Variants in ARHGAP39 observed in about 807,000 individuals in gnomAD.
ARHGAP39 encodes the protein rho GTPase-activating protein 39.
ARHGAP39 carries 44 observed loss-of-function variants against 106.9 expected under a neutral mutation model. The observed-to-expected ratio is 0.41, with a 90% CI of 0.32 to 0.53. The LOEUF is 0.53. Ranked by LOEUF, ARHGAP39 falls within the 20% of genes least tolerant of loss-of-function variation. The pLI, the probability that ARHGAP39 is intolerant of heterozygous loss-of-function variation, is 0.21. For missense variants in ARHGAP39, 1,496 were observed against 1,577.3 expected (o/e 0.95, Z 0.87); for synonymous variants, 768 against 693.2 (o/e 1.11, Z -1.69).
At chr8:144,616,114 C>T (rs1820629348) in intron 1 of ARHGAP39, among the ~76,000 whole-genome samples, 1 of 152,260 alleles carries the variant, frequency 6.6e-6, no homozygotes, top group African/African-American at 2.4e-5. Flanking sequence ...GGTGTGGCTG[C>T]TGCAACATTT....
intron 1 of ARHGAP39, among the ~76,000 whole-genome samples, chr8:144,655,581 C>G (rs1821674025): frequency 6.6e-6 from 1 of 152,050 alleles, no homozygotes; most frequent in Non-Finnish European, 1.5e-5. Context: ...CCACTCCAGG[C>G]CTCCTCTCTG....
chr8:144,619,276 G>A (rs1038825673), intron 1 of ARHGAP39, among the ~76,000 whole-genome samples: 3 of 152,264 alleles, frequency 2.0e-5, no homozygotes, highest in Non-Finnish European at 2.9e-5. Flanking sequence ...GGCGACGCCC[G>A]CCATAGACCA....
At chr8:144,697,673 G>A in the ARHGAP39 span, among the ~76,000 whole-genome samples, 1 of 151,966 alleles carries the variant, frequency 6.6e-6, no homozygotes, top group East Asian at 1.9e-4. Context: ...TGTATTTTTA[G>A]TAGAGACAGG....
chr8:144,677,057 C>T (rs116415892), intron 1 of ARHGAP39, among the ~76,000 whole-genome samples: 159 of 152,350 alleles, frequency 1.0e-3, no homozygotes, highest in African/African-American at 3.7e-3. Flanking sequence ...CCTGAGCCAC[C>T]GTGCCTGGCC....
Position 144,580,885 on chromosome 8 carries a change from C to T in ARHGAP39, c.473G>A (p.Arg158Gln). 1.3e-6 allele frequency: 2 copies of T among 1,588,196 alleles called. No individual in the cohort carries two copies. ...KAQELPARAG[R>Q]PAAFGTVKED... ...CTTCACTGTCCCAAACGCCGCGGGCCGCCCGGCCCTCGCTGGCAACTCCTG... is the reference window on the plus strand; with the variant it reads ...CTTCACTGTCCCAAACGCCGCGGGCTGCCCGGCCCTCGCTGGCAACTCCTG... The change falls in exon 3 of 12, where the codon CGG becomes CAG. Residue 158 changes from arginine to glutamine, a missense_variant. This residue lies in a region of ARHGAP39 where 905 missense variants were observed against 816.4 expected (regional missense o/e 1.11). Transcript: ENST00000377307.
At chr8:144,564,837 G>A (rs1818332860) in intron 3 of ARHGAP39, among the ~76,000 whole-genome samples, 1 of 150,982 alleles carries the variant, frequency 6.6e-6, no homozygotes, top group African/African-American at 2.4e-5. Context: ...GCCAGGCATG[G>A]TGACTCAGCC....
At chr8:144,618,713 G>A (rs939083560) in intron 1 of ARHGAP39, among the ~76,000 whole-genome samples, 13 of 152,244 alleles carry the variant, frequency 8.5e-5, no homozygotes, top group Admixed American at 4.6e-4. Flanking sequence ...CGCAGGAAGC[G>A]GCTCCCTGCA....
At chr8:144,592,206 T>G (rs1339184177) in intron 2 of ARHGAP39, among the ~76,000 whole-genome samples, 1 of 152,160 alleles carries the variant, frequency 6.6e-6, no homozygotes, top group Non-Finnish European at 1.5e-5. Flanking sequence ...AACACCAGCC[T>G]CCTAAGAACA....
chr8:144,643,781 C>T (rs1204129672), intron 1 of ARHGAP39, among the ~76,000 whole-genome samples: 1 of 152,162 alleles, frequency 6.6e-6, no homozygotes, highest in Admixed American at 6.6e-5. Flanking sequence ...CATGCGTAAC[C>T]ACCATGCCTA....
chr8:144,600,773 G>A (rs1211731768), intron 2 of ARHGAP39, among the ~76,000 whole-genome samples: 1 of 152,000 alleles, frequency 6.6e-6, no homozygotes, highest in Non-Finnish European at 1.5e-5. Context: ...ACCTGCGTGT[G>A]CATGGAGGCA....
Position 144,548,590 on chromosome 8 carries a change from T to C in ARHGAP39, c.597-101A>G. The C allele has an allele frequency of 7.7e-6, 11 of 1,423,568 alleles. No homozygotes were observed. Among genetic ancestry groups the C allele is most frequent in the Non-Finnish European group, 1.0e-5 (11 of 1,075,298 alleles). The allele number at this position is 1,423,568 out of a possible 1,614,324, so 88.2% of individuals were successfully genotyped here. ...TAGGCAGCGGCTCCCGCGAACCCTCTGTTGTACACCTTCCTCGCTGGGGCC... is the reference window on the plus strand; with the variant it reads ...TAGGCAGCGGCTCCCGCGAACCCTCCGTTGTACACCTTCCTCGCTGGGGCC... On this transcript the variant is annotated intron_variant, in intron 4 of 11. Transcript: ENST00000377307. The surrounding 1 kb of genome is among the most constrained non-coding windows in gnomAD (Gnocchi z 7.4).
chr8:144,542,351 TG>T (rs2130832161), intron 6 of ARHGAP39, among the ~76,000 whole-genome samples: 1 of 152,272 alleles, frequency 6.6e-6, no homozygotes, highest in South Asian at 2.1e-4. Context: ...CCGAGGGTGG[TG>T]ACCACACAGT....
intron 6 of ARHGAP39, among the ~76,000 whole-genome samples, chr8:144,541,825 A>C (rs1031586497): frequency 2.0e-5 from 3 of 152,184 alleles, no homozygotes; most frequent in Non-Finnish European, 2.9e-5. Flanking sequence ...GAGGTGTACA[A>C]ATCACCATTA....
intron 1 of ARHGAP39, among the ~76,000 whole-genome samples, chr8:144,649,594 AC>A (rs1283272959): frequency 3.3e-5 from 5 of 150,948 alleles, no homozygotes; most frequent in African/African-American, 9.8e-5. Context: ...ATGTGGTAAA[AC>A]CCCGTCTCCA....
intron 1 of ARHGAP39, among the ~76,000 whole-genome samples, chr8:144,627,345 G>C (rs1292295291): frequency 6.6e-6 from 1 of 152,144 alleles, no homozygotes; most frequent in Non-Finnish European, 1.5e-5. Flanking sequence ...CACGAGGTCA[G>C]ATCGAGACCA....
chr8:144,611,313 A>G (rs902419200), intron 1 of ARHGAP39, among the ~76,000 whole-genome samples: 4 of 152,176 alleles, frequency 2.6e-5, no homozygotes, highest in African/African-American at 7.2e-5. Flanking sequence ...ATCCTGGTAA[A>G]TGTCCCGTGT....
At chr8:144,637,712 T>C (rs1343331752) in intron 1 of ARHGAP39, among the ~76,000 whole-genome samples, 1 of 148,254 alleles carries the variant, frequency 6.7e-6, no homozygotes, top group Non-Finnish European at 1.5e-5. Context: ...TCTCTCTCTC[T>C]TTTTTTTTTA....
At chr8:144,540,609 T>C (rs974749947) in intron 6 of ARHGAP39, among the ~76,000 whole-genome samples, 3 of 152,140 alleles carry the variant, frequency 2.0e-5, no homozygotes, top group African/African-American at 7.2e-5. Flanking sequence ...GAGATCAGCC[T>C]GGCCAACATG....
chr8:144,532,548 G>A (rs1048523860), intron 9 of ARHGAP39, 152 bp from the exon 10 acceptor site: 40 of 653,102 alleles, frequency 6.1e-5, no homozygotes, highest in Non-Finnish European at 9.3e-5. Flanking sequence ...TCTTTCCCAC[G>A]AACGTGGGTG....
Sources: allele counts gnomAD v4.1 joint callset (sites outside exome capture counted in the v4.1 genomes callset), GRCh38; gene constraint gnomAD v4.1.1; regional missense constraint gnomAD v4.1.1; non-coding constraint Gnocchi (gnomAD v3.1); transcripts MANE v1.5; gene names NCBI Gene and HGNC (gene_info 2026-07-23, HGNC 2026-07-21).